The following ANK3 variants were observed in gnomAD, a reference collection of about 807,000 sequenced individuals.
ANK3 encodes ankyrin-3.
Under a neutral mutation model 370.9 loss-of-function variants are expected in ANK3, and 57 were observed. The ratio of observed to expected loss-of-function variants is 0.15; its 90% CI spans 0.12 to 0.19. The LOEUF is 0.19. ANK3 is among the 10% of genes least tolerant of loss of function. The pLI, the probability that ANK3 is intolerant of heterozygous loss-of-function variation, is 1.00. For synonymous variants in ANK3, 1,929 were observed against 1,946.3 expected, an observed-to-expected ratio of 0.99 and a Z score of 0.23; for missense variants, 4,439 against 5,302.1, an observed-to-expected ratio of 0.84 and a Z score of 5.06.
rs118018825 is a variant in ANK3 at position 60,126,204 on chromosome 10, G to C, written c.2841+8067C>G. 8.6e-3 allele frequency among the ~76,000 whole-genome samples: 1,311 copies of C among 152,212 alleles called. 14 individuals are homozygous for C. Among genetic ancestry groups the C allele is most frequent in the Non-Finnish European group, 0.012 (844 of 68,008 alleles). On this transcript the variant is annotated intron_variant, in intron 25 of 43. Coordinates refer to ENST00000280772, the MANE Select transcript of ANK3 (RefSeq NM_020987.5). Reference sequence around the variant, plus strand: ...AGGAACAAACCATGTAGGCAAATCTGGTCTGAAAAGGAAGTCTTCAAAAGA... The same window carrying C: ...AGGAACAAACCATGTAGGCAAATCTCGTCTGAAAAGGAAGTCTTCAAAAGA...
intron 43 of ANK3, among the ~76,000 whole-genome samples, chr10:60,041,038 A>C (rs2075997673): frequency 6.6e-6 from 1 of 152,096 alleles, no homozygotes; most frequent in African/African-American, 2.4e-5. Flanking sequence ...GTCATCCTTC[A>C]TTTTCTCATC....
At chr10:60,311,148 C>T (rs899335867) in intron 1 of ANK3, among the ~76,000 whole-genome samples, 1 of 152,104 alleles carries the variant, frequency 6.6e-6, no homozygotes, top group Non-Finnish European at 1.5e-5. Context: ...TGGAAGTGTC[C>T]CTCTGCCTGC....
intron 37 of ANK3, 28 bp downstream of exon 37, chr10:60,068,609 C>T (rs777148261): frequency 5.1e-6 from 8 of 1,568,996 alleles, no homozygotes; most frequent in African/African-American, 4.1e-5. Context: ...GCAGAGTGCT[C>T]GAGAGACCTG....
intron 2 of ANK3, among the ~76,000 whole-genome samples, chr10:60,606,116 A>G (rs943686551): frequency 6.6e-6 from 1 of 152,186 alleles, no homozygotes; most frequent in Non-Finnish European, 1.5e-5. Flanking sequence ...GAGTAGCAAT[A>G]TTGACAATTA....
At chr10:60,584,837 A>G (rs1476685451) in intron 2 of ANK3, among the ~76,000 whole-genome samples, 1 of 152,050 alleles carries the variant, frequency 6.6e-6, no homozygotes, top group African/African-American at 2.4e-5. Flanking sequence ...TTTGACGAAT[A>G]TTCATTAAGT....
At chr10:60,221,274 T>C (rs1484936014) in intron 8 of ANK3, among the ~76,000 whole-genome samples, 1 of 152,006 alleles carries the variant, frequency 6.6e-6, no homozygotes, top group Non-Finnish European at 1.5e-5. Flanking sequence ...GAGACTGAGT[T>C]TCACCATGTT....
chr10:60,226,879 A>G (rs896955748), intron 8 of ANK3, among the ~76,000 whole-genome samples: 2 of 150,820 alleles, frequency 1.3e-5, no homozygotes, highest in African/African-American at 4.9e-5. Flanking sequence ...TTATTTCTAC[A>G]TACTATTACA....
chr10:60,206,418 A>C (rs1239280730), intron 10 of ANK3, among the ~76,000 whole-genome samples: 1 of 152,224 alleles, frequency 6.6e-6, no homozygotes. Context: ...GGTTGCAGTG[A>C]GCCGAGATTG....
chr10:60,134,039 C>G (rs969188390), intron 25 of ANK3, among the ~76,000 whole-genome samples: 4 of 152,194 alleles, frequency 2.6e-5, no homozygotes, highest in Non-Finnish European at 5.9e-5. Context: ...CTACACATCT[C>G]CTAGGACTTT....
chr10:60,157,185 G>A (rs542889259), intron 23 of ANK3, among the ~76,000 whole-genome samples: 18 of 151,454 alleles, frequency 1.2e-4, no homozygotes, highest in African/African-American at 4.1e-4. Flanking sequence ...TTACAGGCAC[G>A]TGCCACCACG....
At chr10:60,551,019 A>G (rs1056781074) in intron 2 of ANK3, among the ~76,000 whole-genome samples, 5 of 152,134 alleles carry the variant, frequency 3.3e-5, no homozygotes, top group Non-Finnish European at 5.9e-5. Flanking sequence ...AGTTAAGTTA[A>G]ACATATCCTA....
chr10:60,619,123 C>T (rs1160158858), intron 1 of ANK3, among the ~76,000 whole-genome samples: 1 of 152,030 alleles, frequency 6.6e-6, no homozygotes, highest in Non-Finnish European at 1.5e-5. Flanking sequence ...ACCTCAGATC[C>T]TGCCCCTCCC....
At chr10:60,103,201 C>T (rs904375333) in intron 28 of ANK3, among the ~76,000 whole-genome samples, 3 of 152,122 alleles carry the variant, frequency 2.0e-5, no homozygotes, top group African/African-American at 7.2e-5. Flanking sequence ...CCACTTGCCT[C>T]GGCCTCCCAA....
At chr10:60,421,961 G>T (rs1173742170) in intron 2 of ANK3, among the ~76,000 whole-genome samples, 1 of 152,034 alleles carries the variant, frequency 6.6e-6, no homozygotes, top group African/African-American at 2.4e-5. Flanking sequence ...AATGTGGATT[G>T]TTAAAACTAA....
chr10:60,253,782 A>T (rs2132614736), intron 7 of ANK3, among the ~76,000 whole-genome samples: 1 of 152,306 alleles, frequency 6.6e-6, no homozygotes, highest in Non-Finnish European at 1.5e-5. Flanking sequence ...GAAAGAAAAG[A>T]AGTCTTTGTC....
At chr10:60,355,073 G>T (rs1289962313) in intron 1 of ANK3, among the ~76,000 whole-genome samples, 2 of 152,068 alleles carry the variant, frequency 1.3e-5, no homozygotes, top group Non-Finnish European at 2.9e-5. Flanking sequence ...TTAAGAAATA[G>T]TACATAAGAA....
At position 60,076,041 on chromosome 10, in the gene ANK3, G is replaced by A; in HGVS notation, c.4840C>T (p.Leu1614=). 6.2e-7 allele frequency: 1 copy of A among 1,614,222 alleles called. No homozygotes were observed. Among genetic ancestry groups the A allele is most frequent in the South Asian group, 1.1e-5 (1 of 91,086 alleles). Residue 1614 remains leucine, a synonymous_variant, in exon 37 of 44, where the codon CTG becomes TTG. Transcript: ENST00000280772. ...AVTEATPLKG[L]ASNSTFSSRT... is the part of the protein sequence containing the mutation. ...GAGGAAAACGTAGAATTGGATGCCAGCCCTTTTAAGGGCGTAGCTTCCGTG... is the reference window on the plus strand; with the variant it reads ...GAGGAAAACGTAGAATTGGATGCCAACCCTTTTAAGGGCGTAGCTTCCGTG...
Position 60,504,571 on chromosome 10 carries a change from T to C in ANK3, c.96+110615A>G, listed in dbSNP as rs1204115711. 5.3e-5 allele frequency among the ~76,000 whole-genome samples: 8 copies of C among 152,252 alleles called. No individual in the cohort carries two copies. The East Asian group carries it at 1.4e-3, about 26-fold the overall frequency. On this transcript the variant is annotated intron_variant, in intron 2 of 43. Transcript: ENST00000373827. The stretch of plus-strand genomic sequence containing the variant: ...AAAATGACATTAGTTACTAAACAAA[T>C]GTGTTTGGGATACTGAGAGAATGTA...
rs7910948 is a variant in ANK3, at chr10:60,550,656, A to C, written c.96+64530T>G. ...GGCAGCATGAAAGTATAAACATTAA[A>C]AAATAAATGATATTTAACTTTACAA... On this transcript the variant is annotated intron_variant, in intron 2 of 43. Coordinates refer to the ANK3 transcript ENST00000373827. Among the ~76,000 whole-genome samples the C allele has an allele frequency of 6.0e-3, 912 of 152,230 alleles. 13 individuals carry two copies. The highest frequency in any genetic ancestry group is 0.02 in the African/African-American group (846 of 41,578).
Sources: gnomAD v4.1 joint callset for allele counts (sites outside exome capture counted in the v4.1 genomes callset) on GRCh38, gnomAD v4.1.1 for gene constraint, MANE v1.5 for transcripts, NCBI Gene and HGNC (gene_info 2026-07-23, HGNC 2026-07-21) for gene names.